Variants in PRKAR1B observed in about 807,000 individuals in gnomAD.
PRKAR1B encodes cAMP-dependent protein kinase type I-beta regulatory subunit.
Under a neutral mutation model 46.5 loss-of-function variants are expected in PRKAR1B, and 22 were observed. That is an observed-to-expected ratio of 0.47 (90% CI 0.34 to 0.68). The LOEUF (loss-of-function observed/expected upper bound fraction) is 0.68. Ranked by LOEUF, PRKAR1B falls within the 30% of genes least tolerant of loss-of-function variation. The pLI is 0.01. For synonymous variants in PRKAR1B, 259 were observed against 217.7 expected (o/e 1.19, Z -1.67); for missense variants, 445 against 535.6 (o/e 0.83, Z 1.67).
At chr7:656,992 AATGG>A (rs1370542070) in intron 4 of PRKAR1B, among the ~76,000 whole-genome samples, 8 of 144,674 alleles carry the variant, frequency 5.5e-5, no homozygotes, top group Non-Finnish European at 1.1e-4. Context: ...CGGATGGATG[AATGG>A]ATGGATGGAT....
Position 607,446 on chromosome 7 carries a change from T to G in PRKAR1B, c.447A>C (p.Ile149=), listed in dbSNP as rs1191292396. 3 of 1,613,820 alleles carry G rather than the reference T, an allele frequency of 1.9e-6. No homozygotes were observed. The South Asian group carries it at 3.3e-5, about 18-fold the overall frequency. ...GAGTGACAGGGAACATGGCATCGAA[T>G]ATGTCACTGAAAAGCAAAACACGCC... ...AHLDDNERSD[I]FDAMFPVTHI... is the part of the protein sequence containing the mutation. The change falls in exon 5 of 11, where the codon ATA becomes ATC. Residue 149 remains isoleucine, a synonymous_variant. Coordinates refer to ENST00000537384, the MANE Select transcript of PRKAR1B (RefSeq NM_001164760.2).
intron 2 of PRKAR1B, among the ~76,000 whole-genome samples, chr7:689,739 G>A (rs1418562866): frequency 6.6e-6 from 1 of 151,598 alleles, no homozygotes; most frequent in Non-Finnish European, 1.5e-5. Context: ...GAGTGCAGTG[G>A]TGCAATCTCA....
rs577985353 is a variant in PRKAR1B, at chr7:666,751, G to A, written c.440+10478C>T. On this transcript the variant is annotated intron_variant, in intron 4 of 10. Coordinates refer to ENST00000537384, the MANE Select transcript of PRKAR1B (RefSeq NM_001164760.2). This position sits in a 1 kb window ranked among gnomAD's most constrained non-coding sequence, Gnocchi z 4.9. ...TTCACCAACTCAGGCCCAGGGTGGA[G>A]CAGAGAATGACTCAAGGCTACCCCA... 1.8e-4 allele frequency among the ~76,000 whole-genome samples: 27 copies of A among 152,366 alleles called. 1 individual carries two copies. The highest frequency in any genetic ancestry group is 6.5e-4 in the African/African-American group (27 of 41,592).
chr7:638,030 C>T lies in PRKAR1B; in HGVS notation c.441-30578G>A, dbSNP rs549545090. Among the ~76,000 whole-genome samples the T allele has an allele frequency of 6.1e-3, 936 of 152,278 alleles. 11 individuals are homozygous for T. The highest frequency in any genetic ancestry group is 0.021 in the African/African-American group (887 of 41,572). ...GGTGCCCCGTGTTCTCATCCTGCCC[C>T]GCCGGCGGAGAAGACGCGGGGCAGG... is the stretch of plus-strand genomic sequence containing the variant. On this transcript the variant is annotated intron_variant, in intron 4 of 10. Transcript: ENST00000537384.
intron 4 of PRKAR1B, among the ~76,000 whole-genome samples, chr7:610,306 G>T (rs1057109557): frequency 3.9e-5 from 6 of 152,186 alleles, no homozygotes; most frequent in Admixed American, 3.9e-4. Flanking sequence ...AGAGGGGGCT[G>T]TTCAGTCCTT....
intron 9 of PRKAR1B, among the ~76,000 whole-genome samples, chr7:578,281 C>T (rs1166790391): frequency 2.0e-5 from 3 of 152,210 alleles, no homozygotes; most frequent in Admixed American, 6.5e-5. Flanking sequence ...AGCTGCTCGG[C>T]CCACCCAACA....
At chr7:620,331 G>T (rs909097468) in intron 4 of PRKAR1B, among the ~76,000 whole-genome samples, 1 of 152,148 alleles carries the variant, frequency 6.6e-6, no homozygotes, top group African/African-American at 2.4e-5. Context: ...TCCTTATAGA[G>T]GTTTAAAACT....
At chr7:673,108 G>C (rs1786377729) in intron 4 of PRKAR1B, among the ~76,000 whole-genome samples, 1 of 142,636 alleles carries the variant, frequency 7.0e-6, no homozygotes, top group Admixed American at 7.3e-5. Flanking sequence ...CAGCTGGTCT[G>C]TGTGGCCAGC....
intron 6 of PRKAR1B, among the ~76,000 whole-genome samples, chr7:598,089 C>A (rs988080481): frequency 6.6e-6 from 1 of 152,172 alleles, no homozygotes; most frequent in African/African-American, 2.4e-5. Context: ...GTGACATGCA[C>A]GCCTGGGGTG....
rs570669281 is a variant in PRKAR1B, at chr7:666,272, C to T, written c.440+10957G>A. On this transcript the variant is annotated intron_variant, in intron 4 of 10. Transcript: ENST00000537384. The surrounding 1 kb of genome is among the most constrained non-coding windows in gnomAD (Gnocchi z 4.9). ...ATGGTCCTGGCACATCAGAGAGCTCCGGAACATGCGGGGCTGCTTCCCTGG... is the reference window on the plus strand; with the variant it reads ...ATGGTCCTGGCACATCAGAGAGCTCTGGAACATGCGGGGCTGCTTCCCTGG... 6.2e-5 allele frequency among the ~76,000 whole-genome samples: 8 copies of T among 128,460 alleles called. No homozygotes were observed. In the South Asian group the frequency reaches 1.1e-3, roughly 18 times the overall value. The allele number at this position is 128,460 out of a possible 152,430, so 84.3% of individuals were successfully genotyped here.
intron 4 of PRKAR1B, among the ~76,000 whole-genome samples, chr7:652,709 G>A (rs1049654184): frequency 3.3e-5 from 5 of 152,240 alleles, no homozygotes; most frequent in African/African-American, 1.2e-4. Context: ...TGCTGTCCAG[G>A]GTCGCTGGAA....
chr7:692,269 G>C (rs188635723), intron 2 of PRKAR1B, among the ~76,000 whole-genome samples: 1 of 152,186 alleles, frequency 6.6e-6, no homozygotes, highest in Non-Finnish European at 1.5e-5. Flanking sequence ...ATGTGGTGGC[G>C]CACGCCTGTA....
intron 4 of PRKAR1B, among the ~76,000 whole-genome samples, chr7:673,274 G>A (rs74767326): frequency 0.081 from 12,374 of 152,044 alleles, 666 homozygotes; most frequent in Middle Eastern, 0.2. Flanking sequence ...CCGGGTGAAC[G>A]TAATATCCGT....
At chr7:649,979 A>ATT (rs762320346) in intron 4 of PRKAR1B, among the ~76,000 whole-genome samples, 59 of 135,280 alleles carry the variant, frequency 4.4e-4, no homozygotes, top group African/African-American at 1.0e-3. Context: ...GGCCCAGCTA[A>ATT]TTTTTTTTTT....
intron 4 of PRKAR1B, among the ~76,000 whole-genome samples, chr7:652,819 C>T (rs1784981645): frequency 1.3e-5 from 2 of 152,212 alleles, no homozygotes; most frequent in Admixed American, 1.3e-4. Context: ...TTTATTGTTA[C>T]ATAACAAACC....
intron 4 of PRKAR1B, among the ~76,000 whole-genome samples, chr7:628,767 C>T (rs548252016): frequency 1.3e-5 from 2 of 152,240 alleles, no homozygotes; most frequent in South Asian, 4.1e-4. Context: ...TTTCACCCCC[C>T]TGACCATCTC....
chr7:606,065 A>G lies in PRKAR1B; in HGVS notation c.549+128T>C, dbSNP rs1031894747. The G allele has an allele frequency of 3.1e-5, 26 of 840,076 alleles. No individual in the cohort carries two copies. The Admixed American group carries it at 5.6e-4, about 18-fold the overall frequency. The allele number at this position is 840,076 out of a possible 1,614,324, so 52.0% of individuals were successfully genotyped here. On this transcript the variant is annotated intron_variant, in intron 6 of 10. Transcript: ENST00000537384. ...CAAGAGATAGCAGTTGCATTTCTGG[A>G]TTAAAACACTAGGAATACGGCACTC...
At chr7:563,801 G>T (rs983780470) in intron 9 of PRKAR1B, among the ~76,000 whole-genome samples, 1 of 151,996 alleles carries the variant, frequency 6.6e-6, no homozygotes, top group Non-Finnish European at 1.5e-5. Context: ...GTGTACGTGT[G>T]TGTGCACAGG....
intron 4 of PRKAR1B, among the ~76,000 whole-genome samples, chr7:615,722 G>T (rs948121912): frequency 1.3e-5 from 2 of 150,386 alleles, no homozygotes; most frequent in Non-Finnish European, 3.0e-5. Flanking sequence ...CAGCTACTCG[G>T]GAGGCTGAGG....
Sources: allele counts gnomAD v4.1 joint callset (sites outside exome capture counted in the v4.1 genomes callset), GRCh38; gene constraint gnomAD v4.1.1; non-coding constraint Gnocchi (gnomAD v3.1); transcripts MANE v1.5; gene names NCBI Gene and HGNC (gene_info 2026-07-23, HGNC 2026-07-21).